ARL15: variants seen among roughly 807,000 people sequenced by gnomAD.
The protein encoded by ARL15 is ARF like GTPase 15.
A neutral mutation model predicts 25.2 loss-of-function variants in ARL15; 19 were observed. That is an observed-to-expected ratio of 0.75 (90% CI 0.53 to 1.10). ARL15 has a LOEUF of 1.10. Among genes scored for constraint, ARL15 ranks in the 50% least tolerant of loss-of-function variants. The probability of loss-of-function intolerance (pLI) is 0.00; values close to 1 mark genes in which losing one functional copy is unlikely to be tolerated. For missense variants in ARL15, 220 were observed against 246.0 expected (o/e 0.89, Z 0.71); for synonymous variants, 94 against 86.8 (o/e 1.08, Z -0.46).
intron 4 of ARL15, among the ~76,000 whole-genome samples, chr5:54,003,101 G>A (rs1367518772): frequency 6.6e-6 from 1 of 152,160 alleles, no homozygotes; most frequent in Non-Finnish European, 1.5e-5. Flanking sequence ...TGAAGGGCAT[G>A]GGCTTCAAAA....
At chr5:53,913,148 T>A (rs1745520641) in intron 4 of ARL15, among the ~76,000 whole-genome samples, 1 of 152,136 alleles carries the variant, frequency 6.6e-6, no homozygotes, top group East Asian at 1.9e-4. Context: ...AAAATTTTTT[T>A]AAAAATTAGC....
chr5:54,066,615 T>C (rs1403336009), intron 4 of ARL15, among the ~76,000 whole-genome samples: 7 of 152,130 alleles, frequency 4.6e-5, no homozygotes, highest in East Asian at 1.9e-4. Context: ...TTTGGTAACA[T>C]TGGGAGATAC....
chr5:54,215,003 T>A (rs978646932), intron 1 of ARL15, among the ~76,000 whole-genome samples: 3 of 151,902 alleles, frequency 2.0e-5, no homozygotes, highest in African/African-American at 7.3e-5. Context: ...CTGGCCATAG[T>A]CACCCACATA....
At chr5:54,137,424 C>T (rs1753637649) in intron 3 of ARL15, among the ~76,000 whole-genome samples, 1 of 152,110 alleles carries the variant, frequency 6.6e-6, no homozygotes, top group Admixed American at 6.6e-5. Flanking sequence ...TAGGGTATAA[C>T]CTGACATGCC....
chr5:54,106,570 CT>C (rs1752595261), intron 4 of ARL15, among the ~76,000 whole-genome samples: 1 of 152,030 alleles, frequency 6.6e-6, no homozygotes, highest in Admixed American at 6.6e-5. Context: ...TTTAAATCAT[CT>C]CTAGATTACT....
In ARL15 at chr5:53,998,283, GAAA is replaced by G. The variant is rs11287179; in HGVS notation, c.463-111573_463-111571del. The stretch of plus-strand genomic sequence containing the variant: ...AAGGAGAAGTGTCCAGGGACATCAG[GAAA>G]AAAAAAAAAAAAAAAGCTTTTATCC... On this transcript the variant is annotated intron_variant, in intron 4 of 4. Coordinates refer to ENST00000504924, the MANE Select transcript of ARL15 (RefSeq NM_019087.3). Among the ~76,000 whole-genome samples, 46 of 116,560 alleles carry G rather than the reference GAAA, an allele frequency of 3.9e-4. 1 individual carries two copies. Among genetic ancestry groups the G allele is most frequent in the African/African-American group, 9.5e-4 (31 of 32,580 alleles). 76.5% of individuals were successfully genotyped at this position (116,560 alleles called of 152,430 possible).
At chr5:54,305,662 G>A (rs1472767520) in intron 1 of ARL15, among the ~76,000 whole-genome samples, 1 of 152,022 alleles carries the variant, frequency 6.6e-6, no homozygotes, top group Non-Finnish European at 1.5e-5. Flanking sequence ...GTGTAAATTA[G>A]GCATAGTAAG....
intron 1 of ARL15, among the ~76,000 whole-genome samples, chr5:54,203,825 G>T (rs1755785920): frequency 6.6e-6 from 1 of 152,102 alleles, no homozygotes; most frequent in Admixed American, 6.5e-5. Flanking sequence ...TGGTTGGTTG[G>T]TTTCCCATAA....
chr5:54,025,173 A>G (rs77169554), intron 4 of ARL15, among the ~76,000 whole-genome samples: 7,463 of 152,202 alleles, frequency 0.049, 231 homozygotes, highest in Middle Eastern at 0.078. Context: ...TCTTTGTGGA[A>G]CAAATGGAAA....
intron 4 of ARL15, among the ~76,000 whole-genome samples, chr5:54,109,324 T>C (rs1374351552): frequency 6.6e-6 from 1 of 152,038 alleles, no homozygotes; most frequent in Admixed American, 6.6e-5. Flanking sequence ...ACTTTTGATA[T>C]ACTATTTCTG....
chr5:54,019,486 T>C (rs1466222250), intron 4 of ARL15, among the ~76,000 whole-genome samples: 1 of 152,206 alleles, frequency 6.6e-6, no homozygotes, highest in East Asian at 1.9e-4. Context: ...AAATCTATTA[T>C]TTGTTGGAAG....
intron 4 of ARL15, among the ~76,000 whole-genome samples, chr5:54,081,582 G>GT (rs1308031326): frequency 6.6e-6 from 1 of 152,084 alleles, no homozygotes; most frequent in Non-Finnish European, 1.5e-5. Flanking sequence ...TCTGGTAATA[G>GT]TGAGTTCCCA....
At chr5:54,135,587 AAC>A (rs1753576777) in intron 3 of ARL15, among the ~76,000 whole-genome samples, 1 of 152,220 alleles carries the variant, frequency 6.6e-6, no homozygotes, top group East Asian at 1.9e-4. Context: ...TTAACAAAGA[AAC>A]AGAGAGTTGC....
chr5:54,206,921 G>A (rs4865807), intron 1 of ARL15, among the ~76,000 whole-genome samples: 119,828 of 152,226 alleles, frequency 0.79, 47,983 homozygotes, highest in Non-Finnish European at 0.82. Flanking sequence ...AAAATACAAT[G>A]CATTTTCAAA....
intron 4 of ARL15, among the ~76,000 whole-genome samples, chr5:54,034,145 C>T (rs1438320755): frequency 2.0e-5 from 3 of 152,148 alleles, no homozygotes; most frequent in Non-Finnish European, 2.9e-5. Flanking sequence ...TGTCATTATT[C>T]CCCCAGAATA....
chr5:54,106,386 T>A (rs980841935), intron 4 of ARL15, among the ~76,000 whole-genome samples: 1 of 152,064 alleles, frequency 6.6e-6, no homozygotes, highest in African/African-American at 2.4e-5. Context: ...TAAGAAAGGA[T>A]GTATGGTAAG....
At chr5:54,247,198 T>A (rs1757111430) in intron 1 of ARL15, among the ~76,000 whole-genome samples, 1 of 150,524 alleles carries the variant, frequency 6.6e-6, no homozygotes, top group African/African-American at 2.4e-5. Flanking sequence ...AAAAGTAACC[T>A]AGAAATTAAG....
At chr5:54,133,106 TATCTA>T (rs1386181987) in intron 3 of ARL15, among the ~76,000 whole-genome samples, 50 of 152,200 alleles carry the variant, frequency 3.3e-4, no homozygotes, top group Non-Finnish European at 7.3e-5. Flanking sequence ...CTGTTTTTAA[TATCTA>T]ATCTAAGGAA....
At chr5:54,264,389 C>T (rs75535048) in intron 1 of ARL15, among the ~76,000 whole-genome samples, 2,235 of 152,244 alleles carry the variant, frequency 0.015, 71 homozygotes, top group African/African-American at 0.051. Flanking sequence ...ACTGGCCTCC[C>T]AGCTTTAACA....
Sources: allele counts gnomAD v4.1 joint callset (sites outside exome capture counted in the v4.1 genomes callset), GRCh38; gene constraint gnomAD v4.1.1; transcripts MANE v1.5; gene names NCBI Gene and HGNC (gene_info 2026-07-23, HGNC 2026-07-21).